Variants in CHID1 observed in about 807,000 individuals in gnomAD.
CHID1 encodes the protein chitinase domain containing 1.
Under a neutral mutation model 55.4 loss-of-function variants are expected in CHID1, and 44 were observed. That is an observed-to-expected ratio of 0.79 (90% CI 0.62 to 1.02). CHID1 has a LOEUF of 1.02. Among genes scored for constraint, CHID1 ranks in the 50% least tolerant of loss-of-function variants. The pLI is 0.00. For missense variants in CHID1, 491 were observed against 515.3 expected (o/e 0.95, Z 0.46); for synonymous variants, 216 against 212.9 (o/e 1.01, Z -0.13).
At chr11:896,888 TGTCTCAGCACCCCCAGCCTCCACCCC>T (rs1851357359) in intron 7 of CHID1, among the ~76,000 whole-genome samples, 1 of 97,458 alleles carries the variant, frequency 1.0e-5, no homozygotes, top group Admixed American at 1.0e-4. Context: ...GACACGAGCC[TGTCTCAGCACCCCCAGCCTCCACCCC>T]AGACACGAGC....
Position 900,315 on chromosome 11 carries a change from G to A in CHID1, c.440-205C>T, listed in dbSNP as rs530697813. Among the ~76,000 whole-genome samples, 2 of 152,284 alleles carry A rather than the reference G, an allele frequency of 1.3e-5. 1 individual carries two copies. Among genetic ancestry groups the A allele is most frequent in the South Asian group, 4.1e-4 (2 of 4,828 alleles). ...AGGCTGGAGAGGGAGGGGTGGTGGGGAAGGAGCGAGCAGACACTGACAGTC... is the reference window on the plus strand; with the variant it reads ...AGGCTGGAGAGGGAGGGGTGGTGGGAAAGGAGCGAGCAGACACTGACAGTC... On this transcript the variant is annotated intron_variant, in intron 5 of 12. Transcript: ENST00000323578.
chr11:894,121 C>CAAAAAAAAAA (rs58548115), intron 7 of CHID1, among the ~76,000 whole-genome samples: 1 of 58,048 alleles, frequency 1.7e-5, no homozygotes, highest in African/African-American at 6.4e-5. Flanking sequence ...GACTCTGTCT[C>CAAAAAAAAAA]AAAAAAAAAA....
chr11:883,987 G>A lies in CHID1; in HGVS notation c.803+81C>T. ...CCACAGGCAAGAGGGCATCAGCTGT[G>A]CCCAGGAGCCCCCCAGGTCCACACT... On this transcript the variant is annotated intron_variant, in intron 9 of 12. Coordinates refer to ENST00000323578, the MANE Select transcript of CHID1 (RefSeq NM_023947.4). 5.4e-6 allele frequency: 6 copies of A among 1,101,414 alleles called. 1 individual carries two copies. In the South Asian group the frequency reaches 7.8e-5, roughly 14 times the overall value. 68.2% of individuals were successfully genotyped at this position (1,101,414 alleles called of 1,614,324 possible).
intron 8 of CHID1, among the ~76,000 whole-genome samples, chr11:884,775 G>A (rs1850268592): frequency 6.6e-6 from 1 of 152,230 alleles, no homozygotes; most frequent in African/African-American, 2.4e-5. Flanking sequence ...AGGGCAGGTG[G>A]TCGGCTGCGG....
intron 10 of CHID1, among the ~76,000 whole-genome samples, chr11:878,030 T>C (rs564639185): frequency 7.9e-5 from 12 of 152,364 alleles, no homozygotes; most frequent in Non-Finnish European, 1.5e-4. Context: ...ACGGACACCC[T>C]GCACCACCTC....
chr11:909,725 T>C (rs1438472830), intron 1 of CHID1, among the ~76,000 whole-genome samples: 1 of 152,216 alleles, frequency 6.6e-6, no homozygotes, highest in Non-Finnish European at 1.5e-5. Context: ...AACTAACTGG[T>C]GCATGGCGGC....
Position 886,100 on chromosome 11 carries a change from G to A in CHID1, c.702-1931C>T, listed in dbSNP as rs562880804. Among the ~76,000 whole-genome samples, 30 of 146,834 alleles carry A rather than the reference G, an allele frequency of 2.0e-4. 1 individual carries two copies. The South Asian group carries it at 4.8e-3, about 24-fold the overall frequency. On this transcript the variant is annotated intron_variant, in intron 8 of 12. Transcript: ENST00000323578. ...CGGGAAGTGAAGCTTACAGTGAGCCGAGATCGTGCCACTGCACTCCAGCCT... is the reference window on the plus strand; with the variant it reads ...CGGGAAGTGAAGCTTACAGTGAGCCAAGATCGTGCCACTGCACTCCAGCCT...
intron 1 of CHID1, among the ~76,000 whole-genome samples, chr11:906,568 T>C (rs1442996870): frequency 6.6e-6 from 1 of 151,982 alleles, no homozygotes; most frequent in East Asian, 1.9e-4. Context: ...TGGACCTGGC[T>C]CTCCCAGATG....
At chr11:898,267 A>G (rs1208227158) in intron 7 of CHID1, among the ~76,000 whole-genome samples, 1 of 152,186 alleles carries the variant, frequency 6.6e-6, no homozygotes, top group Non-Finnish European at 1.5e-5. Flanking sequence ...CAATGGGATG[A>G]AAGTGCCATG....
intron 8 of CHID1, among the ~76,000 whole-genome samples, chr11:891,668 A>G (rs1357400384): frequency 6.6e-6 from 1 of 152,172 alleles, no homozygotes; most frequent in Non-Finnish European, 1.5e-5. Context: ...TGGCCTCTGG[A>G]CAAGGAGTGT....
At chr11:902,474 C>CT (rs1217188262) in intron 3 of CHID1, 144 bp from the exon 4 acceptor site, 6 of 844,870 alleles carry the variant, frequency 7.1e-6, no homozygotes, top group Non-Finnish European at 1.1e-5. Context: ...AGCTCCTGGC[C>CT]TGGGGTATCC....
chr11:911,275 C>G (rs529742879), upstream of CHID1: 9 of 152,208 alleles, frequency 5.9e-5, no homozygotes, highest in African/African-American at 2.2e-4. Flanking sequence ...TCTCCATCCC[C>G]AGGCCGATGG....
intron 9 of CHID1, among the ~76,000 whole-genome samples, chr11:883,620 C>T (rs1850167111): frequency 6.6e-6 from 1 of 152,210 alleles, no homozygotes; most frequent in Non-Finnish European, 1.5e-5. Context: ...ACACCCAGGG[C>T]CAGGCACTCA....
At chr11:910,844 G>C, upstream of CHID1, 1 of 1,088,562 alleles carries the variant, frequency 9.2e-7, no homozygotes, top group Non-Finnish European at 1.1e-6. Context: ...CGGAAGTCCC[G>C]CCCCAGGCGC....
chr11:877,354 A>G (rs1056967119), intron 10 of CHID1, among the ~76,000 whole-genome samples: 1 of 152,186 alleles, frequency 6.6e-6, no homozygotes, highest in African/African-American at 2.4e-5. Context: ...CAGCTCAGGC[A>G]TTCCTCAGCC....
intron 7 of CHID1, among the ~76,000 whole-genome samples, chr11:896,235 G>C (rs1311556274): frequency 3.6e-5 from 3 of 83,940 alleles, no homozygotes; most frequent in Non-Finnish European, 6.8e-5. Context: ...ACTGTCTCAG[G>C]GCCCCCAGCC....
rs1213614652 is a variant in CHID1, at chr11:868,958, C to G, written c.*900G>C. 1.3e-5 allele frequency: 2 copies of G among 152,246 alleles called. No individual in the cohort carries two copies. Among genetic ancestry groups the G allele is most frequent in the African/African-American group, 4.8e-5 (2 of 41,420 alleles). 9.4% of individuals were successfully genotyped at this position (152,246 alleles called of 1,614,324 possible). On this transcript the variant is annotated 3_prime_UTR_variant, in exon 13 of 13. Coordinates refer to ENST00000323578, the MANE Select transcript of CHID1 (RefSeq NM_023947.4). ...GTGGTGAGGAGGGGAGTCCTCACGGCCAGCCAAGGACAGGATGGTGACGAG... is the reference window on the plus strand; with the variant it reads ...GTGGTGAGGAGGGGAGTCCTCACGGGCAGCCAAGGACAGGATGGTGACGAG...
At chr11:882,189 G>C (rs1480026458) in intron 10 of CHID1, 1 of 152,234 alleles carries the variant, frequency 6.6e-6, no homozygotes. Flanking sequence ...GCAGGGCGCG[G>C]TGGCAGACGC....
rs572173766 is a variant in CHID1 at position 870,557 on chromosome 11, T to C, written c.960-58A>G. ...ACCCAGCTCCCCCACAGCCCCACCC[T>C]GTACCCCCAAAGGCTGTGGCTCTCA... On this transcript the variant is annotated intron_variant, in intron 10 of 12. Transcript: ENST00000323578. 12 of 1,260,650 alleles carry C rather than the reference T, an allele frequency of 9.5e-6. No homozygotes were observed. The East Asian group carries it at 3.0e-4, about 31-fold the overall frequency. The allele number at this position is 1,260,650 out of a possible 1,614,324, so 78.1% of individuals were successfully genotyped here. A position where few individuals can be genotyped will look rare whatever the true frequency, so the allele number is the denominator to read the frequency against.
Sources: gnomAD v4.1 joint callset for allele counts (sites outside exome capture counted in the v4.1 genomes callset) on GRCh38, gnomAD v4.1.1 for gene constraint, MANE v1.5 for transcripts, NCBI Gene and HGNC (gene_info 2026-07-23, HGNC 2026-07-21) for gene names.